The following KCNH7 variants were observed in gnomAD, a reference collection of about 807,000 sequenced individuals.
KCNH7 encodes the protein potassium voltage-gated channel subfamily H member 7, also known as voltage-gated inwardly rectifying potassium channel KCNH7.
A neutral mutation model predicts 120.8 loss-of-function variants in KCNH7; 49 were observed. The ratio of observed to expected loss-of-function variants is 0.41; its 90% confidence interval spans 0.32 to 0.51. The LOEUF (loss-of-function observed/expected upper bound fraction) is 0.51. Among genes scored for constraint, KCNH7 ranks in the 20% least tolerant of loss-of-function variants. The pLI is 0.38. For synonymous variants in KCNH7, 547 were observed against 516.1 expected, an observed-to-expected ratio of 1.06 and a Z score of -0.81; for missense variants, 1,097 against 1,446.6, an observed-to-expected ratio of 0.76 and a Z score of 3.92.
At chr2:162,392,755 G>A (rs887708387) in intron 12 of KCNH7, among the ~76,000 whole-genome samples, 2 of 151,920 alleles carry the variant, frequency 1.3e-5, no homozygotes, top group Admixed American at 6.6e-5. Context: ...ATGGAGTGAT[G>A]GGAGTAGTTA....
chr2:162,795,141 G>T (rs2105527713), intron 2 of KCNH7, among the ~76,000 whole-genome samples: 1 of 152,044 alleles, frequency 6.6e-6, no homozygotes, highest in South Asian at 2.1e-4. Context: ...TTAATTAATT[G>T]TATATTGAGG....
At chr2:162,602,948 CT>C (rs569735028) in intron 2 of KCNH7, among the ~76,000 whole-genome samples, 4,330 of 134,922 alleles carry the variant, frequency 0.032, 67 homozygotes, top group African/African-American at 0.047. Flanking sequence ...AGCTGGAGGA[CT>C]TTTTTTTTTT....
intron 2 of KCNH7, among the ~76,000 whole-genome samples, chr2:162,637,119 A>G (rs545380617): frequency 6.6e-6 from 1 of 151,996 alleles, no homozygotes; most frequent in Non-Finnish European, 1.5e-5. Context: ...GCCTTCTTGC[A>G]CCTCTTTTTC....
chr2:162,805,011 C>A (rs930492427), intron 2 of KCNH7, among the ~76,000 whole-genome samples: 1 of 151,880 alleles, frequency 6.6e-6, no homozygotes, highest in African/African-American at 2.4e-5. Flanking sequence ...ATAAATGGTG[C>A]TGGGAAAACT....
intron 3 of KCNH7, among the ~76,000 whole-genome samples, chr2:162,522,950 C>T (rs192455807): frequency 8.6e-5 from 13 of 151,936 alleles, no homozygotes; most frequent in African/African-American, 2.2e-4. Flanking sequence ...CTTCATCAAT[C>T]CTGGCATATG....
intron 2 of KCNH7, among the ~76,000 whole-genome samples, chr2:162,772,440 T>C (rs1394148204): frequency 1.3e-5 from 2 of 152,228 alleles, no homozygotes; most frequent in African/African-American, 4.8e-5. Context: ...TATTATCACA[T>C]TCAATCCCCA....
chr2:162,761,682 A>G (rs191015547), intron 2 of KCNH7, among the ~76,000 whole-genome samples: 1 of 152,244 alleles, frequency 6.6e-6, no homozygotes, highest in Admixed American at 6.6e-5. Context: ...CTCTTATCTA[A>G]GTCAGGCAGT....
chr2:162,461,298 A>G (rs1261249356), intron 6 of KCNH7, among the ~76,000 whole-genome samples: 1 of 152,200 alleles, frequency 6.6e-6, no homozygotes, highest in East Asian at 1.9e-4. Flanking sequence ...TGCCTTGGCC[A>G]TTTTTAAATC....
intron 2 of KCNH7, among the ~76,000 whole-genome samples, chr2:162,681,051 C>T (rs570242439): frequency 1.3e-4 from 20 of 151,702 alleles, no homozygotes; most frequent in South Asian, 6.2e-4. Context: ...GTCTTTTATA[C>T]GGTGATTATC....
chr2:162,537,986 T>C (rs1355386991), intron 2 of KCNH7: 1 of 152,122 alleles, frequency 6.6e-6, no homozygotes, highest in Non-Finnish European at 1.5e-5. Context: ...TTTTACCCTC[T>C]GAATATGCTC....
At chr2:162,716,179 C>T (rs970994439) in intron 2 of KCNH7, among the ~76,000 whole-genome samples, 1 of 152,098 alleles carries the variant, frequency 6.6e-6, no homozygotes, top group Non-Finnish European at 1.5e-5. Context: ...ATCTTACTTA[C>T]TATCAAAAGA....
chr2:162,709,576 C>T (rs1686844629), intron 2 of KCNH7, among the ~76,000 whole-genome samples: 2 of 152,212 alleles, frequency 1.3e-5, no homozygotes, highest in Admixed American at 1.3e-4. Context: ...CTTTGAACTT[C>T]TAAACTTGGA....
chr2:162,795,789 C>T (rs1684123864), intron 2 of KCNH7: 2 of 152,078 alleles, frequency 1.3e-5, no homozygotes, highest in African/African-American at 4.8e-5. Context: ...ACACCTTGCT[C>T]TGACTGGTTC....
intron 6 of KCNH7, among the ~76,000 whole-genome samples, chr2:162,470,949 CA>C (rs1322745105): frequency 6.6e-6 from 1 of 152,162 alleles, no homozygotes; most frequent in Non-Finnish European, 1.5e-5. Flanking sequence ...ACCTTACCCC[CA>C]ACCCTGTGCC....
intron 2 of KCNH7, among the ~76,000 whole-genome samples, chr2:162,639,848 C>T (rs1684087107): frequency 6.6e-6 from 1 of 152,016 alleles, no homozygotes; most frequent in South Asian, 2.1e-4. Context: ...GAAAATCCCT[C>T]CTGAACTAAT....
chr2:162,603,932 T>C (rs1226292269), intron 2 of KCNH7, among the ~76,000 whole-genome samples: 3 of 152,132 alleles, frequency 2.0e-5, no homozygotes, highest in African/African-American at 7.2e-5. Context: ...AAATACCTAA[T>C]TGTGTTTAAA....
At chr2:162,473,381 A>C (rs1689630804) in intron 6 of KCNH7, among the ~76,000 whole-genome samples, 1 of 152,148 alleles carries the variant, frequency 6.6e-6, no homozygotes, top group Non-Finnish European at 1.5e-5. Flanking sequence ...CAGGGAAAGA[A>C]ATATTGACCT....
rs1430797333 is a variant in KCNH7, at chr2:162,724,252, C to CTA, written c.307+112284_307+112285insTA. Among the ~76,000 whole-genome samples the CTA allele has an allele frequency of 2.0e-5, 3 of 152,278 alleles. No homozygotes were observed. In the East Asian group the frequency reaches 5.8e-4, roughly 29 times the overall value. On this transcript the variant is annotated intron_variant, in intron 2 of 15. Transcript: ENST00000332142. The stretch of plus-strand genomic sequence containing the variant: ...TATGTTCTGAGACCCCTAATGAATA[C>CTA]TTAAAACCACAGAAAGTGCCAATTA...
At chr2:162,640,861 T>C (rs1165417935) in intron 2 of KCNH7, among the ~76,000 whole-genome samples, 4 of 151,762 alleles carry the variant, frequency 2.6e-5, no homozygotes, top group East Asian at 3.9e-4. Flanking sequence ...AACTAGAAAA[T>C]AGATAAAAGT....
Sources: gnomAD v4.1 joint callset for allele counts (sites outside exome capture counted in the v4.1 genomes callset) on GRCh38, gnomAD v4.1.1 for gene constraint, MANE v1.5 for transcripts, NCBI Gene and HGNC (gene_info 2026-07-23, HGNC 2026-07-21) for gene names.